SWAP70: variants seen among roughly 807,000 people sequenced by gnomAD.
SWAP70 encodes the protein switch-associated protein 70.
In SWAP70, 34 loss-of-function variants were observed where a neutral mutation model predicts 80.2. That is an observed-to-expected ratio of 0.42 (90% CI 0.32 to 0.56). The LOEUF (loss-of-function observed/expected upper bound fraction) is 0.56, where lower values mean the gene tolerates loss of function less well. SWAP70 is among the 20% of genes least tolerant of loss of function. SWAP70 has a pLI of 0.09. For synonymous variants in SWAP70, 239 were observed against 238.5 expected (o/e 1.00, Z -0.02); for missense variants, 578 against 690.7 (o/e 0.84, Z 1.83).
Position 9,724,660 on chromosome 11 carries a change from T to G in SWAP70, c.417T>G (p.Ile139Met). 6.2e-7 allele frequency: 1 copy of G among 1,607,592 alleles called. No individual in the cohort carries two copies. Among genetic ancestry groups the G allele is most frequent in the East Asian group, 2.2e-5 (1 of 44,796 alleles). The change falls in exon 4 of 12, where the codon ATT (isoleucine) becomes ATG (methionine). Residue 139 changes from isoleucine (I) to methionine (M), a missense_variant and splice_region_variant. Ile to Met is a conservative substitution (Grantham distance 10). Coordinates refer to ENST00000318950, the MANE Select transcript of SWAP70 (RefSeq NM_015055.4). ...KYPLIIVSEE[I>M]EYLLKKLTEA... ...ATTATTTCACATTCTTTATGTAGAT[T>G]GAATACCTGCTTAAGAAGCTTACAG...
chr11:9,702,987 G>T (rs563998749), intron 2 of SWAP70, among the ~76,000 whole-genome samples: 18 of 152,090 alleles, frequency 1.2e-4, no homozygotes, highest in East Asian at 3.9e-4. Context: ...CCATTTAGTG[G>T]TTTTTTTGTT....
At position 9,743,184 on chromosome 11, in the gene SWAP70, A is replaced by G. The variant is rs1411649637; in HGVS notation, c.1355+2837A>G. 2.0e-5 allele frequency among the ~76,000 whole-genome samples: 3 copies of G among 149,492 alleles called. No homozygotes were observed. In the East Asian group the frequency reaches 6.0e-4, roughly 30 times the overall value. ...TTGTTCTTGCGATAGTTTACTGAGA[A>G]TGATGATTTCCAATTTCATCCATGT... On this transcript the variant is annotated intron_variant, in intron 9 of 11. Transcript: ENST00000318950.
At chr11:9,743,223 A>C (rs1372151808) in intron 9 of SWAP70, among the ~76,000 whole-genome samples, 2 of 148,088 alleles carry the variant, frequency 1.4e-5, no homozygotes, top group South Asian at 4.2e-4. Flanking sequence ...TACAAAGGAC[A>C]TGAACTCATC....
Position 9,732,533 on chromosome 11 carries a change from T to C in SWAP70, c.903T>C (p.Ile301=). 1 of 1,604,966 alleles carries C rather than the reference T, an allele frequency of 6.2e-7. No homozygotes were observed. Among genetic ancestry groups the C allele is most frequent in the Non-Finnish European group, 8.5e-7 (1 of 1,174,860 alleles). ...TTCCTCCTACACCTTTTACAGCCAT[T>C]CATTCTACTATTCATCTGTTGAAGC... ...KKKKQEWIQA[I]HSTIHLLKLG... The change falls in exon 7 of 12, where the codon ATT becomes ATC. Residue 301 remains isoleucine, a synonymous_variant. Coordinates refer to ENST00000318950, the MANE Select transcript of SWAP70 (RefSeq NM_015055.4).
Position 9,675,332 on chromosome 11 carries a change from A to AGGGAGC in SWAP70, c.99+11055_99+11056insGGAGCG, listed in dbSNP as rs1565111576. ...AACAGAGAGGGAGCGAGAGAGAGAG[A>AGGGAGC]GAGAGAGAGGGAGCGAGAGAGAGAG... On this transcript the variant is annotated intron_variant, in intron 1 of 11. Coordinates refer to ENST00000318950, the MANE Select transcript of SWAP70 (RefSeq NM_015055.4). Among the ~76,000 whole-genome samples the AGGGAGC allele has an allele frequency of 6.8e-5, 5 of 73,664 alleles. 1 individual carries two copies. The highest frequency in any genetic ancestry group is 1.5e-4 in the African/African-American group (4 of 26,828). 48.3% of individuals were successfully genotyped at this position (73,664 alleles called of 152,430 possible). A position where few individuals can be genotyped will look rare whatever the true frequency, so the allele number is the denominator to read the frequency against.
At chr11:9,671,444 A>G (rs189418865) in intron 1 of SWAP70, among the ~76,000 whole-genome samples, 62 of 89,344 alleles carry the variant, frequency 6.9e-4, no homozygotes, top group African/African-American at 2.2e-3. Context: ...ATATATAAAA[A>G]TATATTTATA....
intron 2 of SWAP70, among the ~76,000 whole-genome samples, chr11:9,697,041 G>A (rs888881517): frequency 6.6e-6 from 1 of 151,792 alleles, no homozygotes; most frequent in Admixed American, 6.6e-5. Flanking sequence ...GTGAGACCTT[G>A]TCTCAAAAAA....
intron 6 of SWAP70, among the ~76,000 whole-genome samples, chr11:9,730,217 G>A (rs1851278885): frequency 6.6e-6 from 1 of 151,928 alleles, no homozygotes; most frequent in South Asian, 2.1e-4. Flanking sequence ...TAGGCCGAGT[G>A]CGGTGGCTCA....
At chr11:9,671,975 A>G (rs1258977604) in intron 1 of SWAP70, among the ~76,000 whole-genome samples, 1 of 113,850 alleles carries the variant, frequency 8.8e-6, no homozygotes, top group Non-Finnish European at 1.6e-5. Flanking sequence ...TATATGTTAT[A>G]TATTTTTCTA....
At chr11:9,685,352 T>C (rs934216997) in intron 1 of SWAP70, among the ~76,000 whole-genome samples, 2 of 152,186 alleles carry the variant, frequency 1.3e-5, no homozygotes, top group Admixed American at 1.3e-4. Flanking sequence ...CTAGTCCTGA[T>C]ACTGCAGCAA....
chr11:9,713,889 T>G (rs1276934669), intron 3 of SWAP70, among the ~76,000 whole-genome samples: 2 of 152,208 alleles, frequency 1.3e-5, no homozygotes, highest in East Asian at 3.8e-4. Context: ...AGTGAATCTA[T>G]CCTCACGTCC....
At chr11:9,721,868 CATT>C (rs980637712) in intron 3 of SWAP70, among the ~76,000 whole-genome samples, 2 of 152,090 alleles carry the variant, frequency 1.3e-5, no homozygotes, top group East Asian at 1.9e-4. Context: ...TTACAAAAAA[CATT>C]ATAACCAAAT....
intron 1 of SWAP70, among the ~76,000 whole-genome samples, chr11:9,685,058 C>T (rs939564229): frequency 3.3e-5 from 5 of 151,630 alleles, no homozygotes; most frequent in African/African-American, 1.2e-4. Flanking sequence ...CACTGGGGGG[C>T]TGGACTCTCA....
At chr11:9,725,530 AATATATATATATATATATATATAT>A (rs1211819180) in intron 4 of SWAP70, among the ~76,000 whole-genome samples, 2 of 60,580 alleles carry the variant, frequency 3.3e-5, no homozygotes, top group South Asian at 8.4e-4. Context: ...AAAAATACAA[AATATATATATATATATATATATAT>A]ATATATATAT....
chr11:9,694,413 A>G (rs920693738), intron 2 of SWAP70, 127 bp downstream of exon 2: 57 of 1,127,174 alleles, frequency 5.1e-5, no homozygotes, highest in Non-Finnish European at 6.3e-5. Context: ...TAAACCAGAA[A>G]GGAAGAAAGA....
rs527922768 is a variant in SWAP70 at position 9,707,920 on chromosome 11, G to A, written c.241-5546G>A. On this transcript the variant is annotated intron_variant, in intron 2 of 11. Coordinates refer to ENST00000318950, the MANE Select transcript of SWAP70 (RefSeq NM_015055.4). ...AACTTTAATAGTTTTGGGGGAACAG[G>A]TGGTTTTTTTGTTATATAGATAAGC... Among the ~76,000 whole-genome samples, 53 of 152,208 alleles carry A rather than the reference G, an allele frequency of 3.5e-4. 1 individual carries two copies. The highest frequency in any genetic ancestry group is 2.8e-4 in the Non-Finnish European group (19 of 68,008).
intron 2 of SWAP70, among the ~76,000 whole-genome samples, chr11:9,711,405 GTGTCTGTCTGTC>G (rs978774980): frequency 6.6e-6 from 1 of 152,234 alleles, no homozygotes; most frequent in Non-Finnish European, 1.5e-5. Context: ...GTGTGTGTGT[GTGTCTGTCTGTC>G]TGTCTGTCTA....
intron 2 of SWAP70, among the ~76,000 whole-genome samples, chr11:9,697,703 C>G (rs1410642262): frequency 6.6e-6 from 1 of 152,178 alleles, no homozygotes; most frequent in African/African-American, 2.4e-5. Context: ...CCATATCAGC[C>G]TCACAATACA....
At position 9,738,009 on chromosome 11, in the gene SWAP70, T is replaced by C. The variant is rs535564981; in HGVS notation, c.1081-204T>C. Among the ~76,000 whole-genome samples the C allele has an allele frequency of 2.6e-5, 4 of 152,374 alleles. No homozygotes were observed. The South Asian group carries it at 8.3e-4, about 32-fold the overall frequency. On this transcript the variant is annotated intron_variant, in intron 7 of 11. Coordinates refer to ENST00000318950, the MANE Select transcript of SWAP70 (RefSeq NM_015055.4). ...GTTGTTCAGGCTTATCAATAGTCTT[T>C]CATTTACCTAATTTATTTTGTATGT...
Sources: gnomAD v4.1 joint callset for allele counts (sites outside exome capture counted in the v4.1 genomes callset) on GRCh38, gnomAD v4.1.1 for gene constraint, MANE v1.5 for transcripts, NCBI Gene and HGNC (gene_info 2026-07-23, HGNC 2026-07-21) for gene names.